Variants in NRG3 observed in about 807,000 individuals in gnomAD.
NRG3 encodes the protein neuregulin 3.
NRG3 carries 31 observed loss-of-function variants against 66.9 expected under a neutral mutation model. That is an observed-to-expected ratio of 0.46 (90% CI 0.35 to 0.63). The LOEUF is 0.63. NRG3 is among the 20% of genes least tolerant of loss of function. The probability of loss-of-function intolerance (pLI) is 0.00; values close to 1 mark genes in which losing one functional copy is unlikely to be tolerated. For missense variants in NRG3, 910 were observed against 878.9 expected (o/e 1.04, Z -0.45); for synonymous variants, 393 against 359.4 (o/e 1.09, Z -1.06).
chr10:82,175,871 C>A (rs1338796477), intron 1 of NRG3, among the ~76,000 whole-genome samples: 1 of 152,136 alleles, frequency 6.6e-6, no homozygotes, highest in Non-Finnish European at 1.5e-5. Context: ...TGATATATAT[C>A]ATTTCATTTG....
intron 1 of NRG3, among the ~76,000 whole-genome samples, chr10:82,069,536 C>A (rs953516361): frequency 6.6e-6 from 1 of 152,016 alleles, no homozygotes; most frequent in Non-Finnish European, 1.5e-5. Context: ...TACTAATACC[C>A]AAAGTCATAC....
At chr10:82,002,312 GA>G (rs1216362082) in intron 1 of NRG3, among the ~76,000 whole-genome samples, 3 of 152,090 alleles carry the variant, frequency 2.0e-5, no homozygotes, top group Non-Finnish European at 4.4e-5. Context: ...GGCCTGTCGA[GA>G]ATTCCTGTCC....
At chr10:82,350,027 C>A (rs982408469) in intron 1 of NRG3, among the ~76,000 whole-genome samples, 10 of 152,154 alleles carry the variant, frequency 6.6e-5, no homozygotes, top group Admixed American at 5.9e-4. Flanking sequence ...CCGTCTTCTG[C>A]GTCGCTCACG....
intron 1 of NRG3, among the ~76,000 whole-genome samples, chr10:81,974,834 A>G (rs993934434): frequency 6.6e-6 from 1 of 152,158 alleles, no homozygotes; most frequent in Non-Finnish European, 1.5e-5. Flanking sequence ...AATTGTTACC[A>G]TGGTGACATA....
chr10:82,677,752 A>T (rs1223393964), intron 2 of NRG3, among the ~76,000 whole-genome samples: 1 of 152,184 alleles, frequency 6.6e-6, no homozygotes, highest in Admixed American at 6.5e-5. Flanking sequence ...ATAAAAGTTT[A>T]TTAAAAAGTT....
chr10:82,267,790 T>G lies in NRG3; in HGVS notation c.824-90949T>G. Among the ~76,000 whole-genome samples, 2 of 152,192 alleles carry G rather than the reference T, an allele frequency of 1.3e-5. 1 individual carries two copies. The highest frequency in any genetic ancestry group is 2.9e-5 in the Non-Finnish European group (2 of 68,036). ...CTGCATGGTGAGGAGTGTGTAGGACTGATTTGCATTATCTCTGGAAAGAAG... is the reference window on the plus strand; with the variant it reads ...CTGCATGGTGAGGAGTGTGTAGGACGGATTTGCATTATCTCTGGAAAGAAG... On this transcript the variant is annotated intron_variant, in intron 1 of 8. Coordinates refer to ENST00000372141, the MANE Select transcript of NRG3 (RefSeq NM_001010848.4).
chr10:81,930,646 A>G (rs1218959348), intron 1 of NRG3, among the ~76,000 whole-genome samples: 1 of 152,182 alleles, frequency 6.6e-6, no homozygotes, highest in Non-Finnish European at 1.5e-5. Context: ...GTAGGAGAAC[A>G]CCGGGAATAT....
intron 6 of NRG3, among the ~76,000 whole-genome samples, chr10:82,967,132 A>C (rs1253925343): frequency 1.3e-5 from 2 of 149,114 alleles, no homozygotes; most frequent in Non-Finnish European, 3.0e-5. Flanking sequence ...GACAGATCAA[A>C]GATTTTATAT....
chr10:82,390,933 G>A (rs2086322034), intron 2 of NRG3, among the ~76,000 whole-genome samples: 2 of 152,182 alleles, frequency 1.3e-5, no homozygotes, highest in Admixed American at 1.3e-4. Context: ...GGGGAAGTGG[G>A]TTGGGAGTAG....
At chr10:82,564,941 G>A (rs2045299784) in intron 2 of NRG3, among the ~76,000 whole-genome samples, 1 of 151,980 alleles carries the variant, frequency 6.6e-6, no homozygotes, top group Non-Finnish European at 1.5e-5. Context: ...CCTCTTTGGT[G>A]CCAGATTCTG....
At chr10:82,300,813 AAC>A (rs143658730) in intron 1 of NRG3, among the ~76,000 whole-genome samples, 1 of 151,650 alleles carries the variant, frequency 6.6e-6, no homozygotes, top group African/African-American at 2.4e-5. Context: ...CTGAGTTAAA[AAC>A]ACACACACAC....
intron 1 of NRG3, among the ~76,000 whole-genome samples, chr10:82,058,753 A>G (rs2063976426): frequency 6.6e-6 from 1 of 152,148 alleles, no homozygotes. Context: ...TGAGAACAAA[A>G]ATGAAAAAGT....
chr10:81,965,263 C>T (rs1018070428), intron 1 of NRG3, among the ~76,000 whole-genome samples: 2 of 152,170 alleles, frequency 1.3e-5, no homozygotes, highest in African/African-American at 2.4e-5. Flanking sequence ...TTCTGTCTCT[C>T]TCTGTCATCT....
intron 1 of NRG3, among the ~76,000 whole-genome samples, chr10:82,181,834 A>T (rs142576148): frequency 6.6e-6 from 1 of 151,766 alleles, no homozygotes; most frequent in African/African-American, 2.4e-5. Context: ...TGTTCTGGCC[A>T]TTATTGAAAG....
intron 4 of NRG3, among the ~76,000 whole-genome samples, chr10:82,885,384 C>T (rs1180646350): frequency 6.6e-6 from 1 of 152,022 alleles, no homozygotes; most frequent in Non-Finnish European, 1.5e-5. Context: ...GGGGAGATTG[C>T]CTTATTATGC....
chr10:82,723,213 A>G (rs1461823374), intron 2 of NRG3, among the ~76,000 whole-genome samples: 1 of 152,220 alleles, frequency 6.6e-6, no homozygotes, highest in Admixed American at 6.5e-5. Flanking sequence ...AAATTAGTAT[A>G]AAAACAGAAA....
chr10:82,103,533 TC>T (rs2066886686), intron 1 of NRG3, among the ~76,000 whole-genome samples: 1 of 152,152 alleles, frequency 6.6e-6, no homozygotes, highest in Non-Finnish European at 1.5e-5. Flanking sequence ...AATACATCAC[TC>T]TTCTGTTATT....
At chr10:81,938,215 C>G (rs576466928) in intron 1 of NRG3, among the ~76,000 whole-genome samples, 1 of 151,834 alleles carries the variant, frequency 6.6e-6, no homozygotes, top group East Asian at 1.9e-4. Flanking sequence ...ATTCAGGATT[C>G]TTTTAGATGT....
At chr10:82,423,895 CAT>C (rs943010616) in intron 2 of NRG3, among the ~76,000 whole-genome samples, 1 of 151,992 alleles carries the variant, frequency 6.6e-6, no homozygotes, top group Non-Finnish European at 1.5e-5. Context: ...AATCCTACAA[CAT>C]GTGATCATTT....
Sources: allele counts gnomAD v4.1 joint callset (sites outside exome capture counted in the v4.1 genomes callset), GRCh38; gene constraint gnomAD v4.1.1; transcripts MANE v1.5; gene names NCBI Gene and HGNC (gene_info 2026-07-23, HGNC 2026-07-21).